Variants in REC114 observed in about 807,000 individuals in gnomAD.
REC114 encodes meiotic recombination protein REC114.
A neutral mutation model predicts 31.3 loss-of-function variants in REC114; 27 were observed. The observed-to-expected ratio is 0.86, with a 90% CI of 0.64 to 1.19. The LOEUF is 1.19. Ranked by LOEUF, REC114 falls within the 50% of genes most tolerant of loss-of-function variation. The probability of loss-of-function intolerance (pLI) is 0.00; values close to 1 mark genes in which losing one functional copy is unlikely to be tolerated. For synonymous variants in REC114, 134 were observed against 127.7 expected, an observed-to-expected ratio of 1.05 and a Z score of -0.33; for missense variants, 344 against 326.9, an observed-to-expected ratio of 1.05 and a Z score of -0.40.
At chr15:73,540,722 CG>C (rs1894226336) in intron 3 of REC114, among the ~76,000 whole-genome samples, 154 bp downstream of exon 3, 1 of 151,998 alleles carries the variant, frequency 6.6e-6, no homozygotes, top group African/African-American at 2.4e-5. Flanking sequence ...AAACAAGGAC[CG>C]TAGAGAGGCA....
At position 73,450,581 on chromosome 15, in the gene REC114, C is replaced by T. The variant is rs59753947; in HGVS notation, c.159+7237C>T. On this transcript the variant is annotated intron_variant, in intron 1 of 5. Coordinates refer to ENST00000331090, the MANE Select transcript of REC114 (RefSeq NM_001042367.2). Reference sequence around the variant, plus strand: ...GTCAATATTAGACAGATCAATGAGACGGAAAATTAACAAGGATATCCAGGA... The same window carrying T: ...GTCAATATTAGACAGATCAATGAGATGGAAAATTAACAAGGATATCCAGGA... Among the ~76,000 whole-genome samples, 1,156 of 152,230 alleles carry T rather than the reference C, an allele frequency of 7.6e-3. 16 individuals carry two copies. Among genetic ancestry groups the T allele is most frequent in the African/African-American group, 0.026 (1,087 of 41,548 alleles).
At chr15:73,457,468 C>T (rs1892932865) in intron 1 of REC114, among the ~76,000 whole-genome samples, 2 of 152,094 alleles carry the variant, frequency 1.3e-5, no homozygotes, top group African/African-American at 2.4e-5. Flanking sequence ...CTGCACTGAC[C>T]TCCTAGGACT....
At chr15:73,550,421 T>C (rs976886770) in intron 3 of REC114, among the ~76,000 whole-genome samples, 1 of 152,220 alleles carries the variant, frequency 6.6e-6, no homozygotes, top group African/African-American at 2.4e-5. Flanking sequence ...TAAAGGGTAC[T>C]ACAGATCATT....
At chr15:73,525,855 GTTGA>G (rs143162831) in intron 2 of REC114, among the ~76,000 whole-genome samples, 1,640 of 152,224 alleles carry the variant, frequency 0.011, 34 homozygotes, top group African/African-American at 0.038. Context: ...GATCAAGTAG[GTTGA>G]TTGTGTTAAG....
intron 2 of REC114, among the ~76,000 whole-genome samples, chr15:73,508,006 T>C (rs1411933854): frequency 6.6e-6 from 1 of 152,194 alleles, no homozygotes; most frequent in South Asian, 2.1e-4. Context: ...CCATTTTTGG[T>C]GCATCCCTAC....
chr15:73,444,385 A>G (rs1278939792), intron 1 of REC114, among the ~76,000 whole-genome samples: 1 of 152,186 alleles, frequency 6.6e-6, no homozygotes, highest in Non-Finnish European at 1.5e-5. Flanking sequence ...AGTTTATGTG[A>G]TATTCTAAAT....
At chr15:73,473,686 G>A (rs753747161) in intron 1 of REC114, 146 bp from the exon 2 acceptor site, 1 of 568,772 alleles carries the variant, frequency 1.8e-6, no homozygotes, top group Non-Finnish European at 3.1e-6. Flanking sequence ...TAAGGGAAGG[G>A]TTACAGATTA....
chr15:73,476,036 A>G (rs1893208726), intron 2 of REC114, among the ~76,000 whole-genome samples: 1 of 152,150 alleles, frequency 6.6e-6, no homozygotes, highest in Non-Finnish European at 1.5e-5. Flanking sequence ...CCTAGGAGCA[A>G]TAGGCTATCC....
At chr15:73,551,192 T>A (rs764209956) in intron 4 of REC114, 42 bp downstream of exon 4, 2 of 1,538,018 alleles carry the variant, frequency 1.3e-6, no homozygotes, top group African/African-American at 2.7e-5. Context: ...AACATGACAA[T>A]GCAGTGCACA....
At chr15:73,504,773 TAAA>T (rs74783650) in intron 2 of REC114, among the ~76,000 whole-genome samples, 44 of 152,170 alleles carry the variant, frequency 2.9e-4, no homozygotes, top group African/African-American at 1.0e-3. Flanking sequence ...TGTTACTTAT[TAAA>T]AAAAATTGAC....
At chr15:73,505,759 C>A (rs1268628152) in intron 2 of REC114, among the ~76,000 whole-genome samples, 1 of 152,270 alleles carries the variant, frequency 6.6e-6, no homozygotes, top group Non-Finnish European at 1.5e-5. Context: ...GTCTCGATTT[C>A]CTGACCTCGT....
In REC114 at chr15:73,443,243, G is replaced by C. The variant is rs377562089; in HGVS notation, c.58G>C (p.Glu20Gln). 6.4e-7 allele frequency: 1 copy of C among 1,574,138 alleles called. No individual in the cohort carries two copies. The highest frequency in any genetic ancestry group is 8.6e-7 in the Non-Finnish European group (1 of 1,160,782). Residue 20 changes from glutamate to glutamine, a missense_variant, in exon 1 of 6, where the codon GAG (glutamate) becomes CAG (glutamine). Glu to Gln is a conservative substitution (Grantham distance 29). Transcript: ENST00000331090. ...SLGLTGGEAA[E>Q]WPLQRYARCI... ...CGGGCTTACCGGAGGAGAAGCGGCAGAGTGGCCTCTGCAGCGGTACGCCCG... is the reference window on the plus strand; with the variant it reads ...CGGGCTTACCGGAGGAGAAGCGGCACAGTGGCCTCTGCAGCGGTACGCCCG...
At chr15:73,485,703 G>A (rs995819585) in intron 2 of REC114, among the ~76,000 whole-genome samples, 22 of 152,254 alleles carry the variant, frequency 1.4e-4, no homozygotes, top group Admixed American at 2.6e-4. Flanking sequence ...AGAAGCAGAC[G>A]CTGGTGCTGT....
chr15:73,496,678 G>A (rs1893532130), intron 2 of REC114, among the ~76,000 whole-genome samples: 1 of 150,128 alleles, frequency 6.7e-6, no homozygotes, highest in South Asian at 2.1e-4. Context: ...AATTGCAAAC[G>A]TAGTATAAGG....
chr15:73,545,732 T>C (rs994538759), intron 3 of REC114, among the ~76,000 whole-genome samples: 1 of 152,224 alleles, frequency 6.6e-6, no homozygotes. Context: ...TGTAGACTTA[T>C]ATAACTGGTC....
intron 2 of REC114, among the ~76,000 whole-genome samples, chr15:73,482,659 A>G (rs1251162642): frequency 6.6e-6 from 1 of 152,216 alleles, no homozygotes; most frequent in Non-Finnish European, 1.5e-5. Context: ...ATGCTATAGC[A>G]TATCATAGAT....
chr15:73,446,286 C>T (rs1288619884), intron 1 of REC114, among the ~76,000 whole-genome samples: 1 of 152,148 alleles, frequency 6.6e-6, no homozygotes, highest in Non-Finnish European at 1.5e-5. Context: ...TGTGTGCACA[C>T]ATGCATACAT....
intron 1 of REC114, among the ~76,000 whole-genome samples, chr15:73,466,673 CTT>C (rs1484070195): frequency 7.2e-5 from 11 of 152,186 alleles, no homozygotes; most frequent in Non-Finnish European, 1.3e-4. Flanking sequence ...TTTCAAAACA[CTT>C]AATTTGAAGA....
At chr15:73,541,836 A>G (rs1894240395) in intron 3 of REC114, among the ~76,000 whole-genome samples, 1 of 152,214 alleles carries the variant, frequency 6.6e-6, no homozygotes, top group South Asian at 2.1e-4. Context: ...TTCTAAATAT[A>G]CATTATTACT....
Sources: allele counts gnomAD v4.1 joint callset (sites outside exome capture counted in the v4.1 genomes callset), GRCh38; gene constraint gnomAD v4.1.1; transcripts MANE v1.5; gene names NCBI Gene and HGNC (gene_info 2026-07-23, HGNC 2026-07-21).